BPTF: variants seen among roughly 807,000 people sequenced by gnomAD.
The protein encoded by BPTF is bromodomain PHD finger transcription factor, also known as nucleosome-remodeling factor subunit BPTF.
A neutral mutation model predicts 292.5 loss-of-function variants in BPTF; 18 were observed. The ratio of observed to expected loss-of-function variants is 0.06; its 90% confidence interval spans 0.04 to 0.09. The LOEUF is 0.09. BPTF is among the 10% of genes least tolerant of loss of function. The probability of loss-of-function intolerance (pLI) is 1.00; values close to 1 mark genes in which losing one functional copy is unlikely to be tolerated. For missense variants in BPTF, 2,726 were observed against 3,498.7 expected, an observed-to-expected ratio of 0.78 and a Z score of 5.57; for synonymous variants, 1,225 against 1,251.9, an observed-to-expected ratio of 0.98 and a Z score of 0.45.
chr17:67,857,264 C>T (rs2058752121), intron 2 of BPTF, among the ~76,000 whole-genome samples: 1 of 150,736 alleles, frequency 6.6e-6, no homozygotes, highest in Admixed American at 6.7e-5. Context: ...CGGGTTCACA[C>T]CATTCTCCTG....
In BPTF at chr17:67,975,806, A is replaced by G. The variant is rs1488665536; in HGVS notation, c.8574A>G (p.Arg2858=). The change falls in exon 27 of 28, where the codon CGA becomes CGG. Residue 2858 remains arginine, a synonymous_variant. Transcript: ENST00000306378. Reference sequence around the variant, plus strand: ...CCATGGAAGAAAGAGTACAAAGACGATATTATGAAAAGCTGACGGAATTTG... The same window carrying G: ...CCATGGAAGAAAGAGTACAAAGACGGTATTATGAAAAGCTGACGGAATTTG... ...LATMEERVQR[R]YYEKLTEFVA... The G allele has an allele frequency of 3.1e-6, 5 of 1,614,006 alleles. No homozygotes were observed. The highest frequency in any genetic ancestry group is 4.2e-6 in the Non-Finnish European group (5 of 1,179,986).
At chr17:67,869,927 G>A (rs1171759181) in intron 3 of BPTF, among the ~76,000 whole-genome samples, 1 of 149,962 alleles carries the variant, frequency 6.7e-6, no homozygotes, top group African/African-American at 2.5e-5. Flanking sequence ...GCGTGAACCC[G>A]GGAGGCAGAG....
intron 19 of BPTF, 87 bp from the exon 20 acceptor site, chr17:67,944,060 GATA>G: frequency 3.1e-6 from 3 of 956,380 alleles, no homozygotes; most frequent in Non-Finnish European, 4.9e-6. Flanking sequence ...TATATTAAAA[GATA>G]ATTACACATA....
At chr17:67,916,360 C>T (rs1273023837) in intron 11 of BPTF, among the ~76,000 whole-genome samples, 1 of 152,124 alleles carries the variant, frequency 6.6e-6, no homozygotes, top group African/African-American at 2.4e-5. Flanking sequence ...GAGGCCGAGG[C>T]AGGTGGATCA....
intron 27 of BPTF, among the ~76,000 whole-genome samples, chr17:67,979,149 GACA>G: frequency 1.2e-5 from 1 of 81,214 alleles, no homozygotes; most frequent in Admixed American, 2.0e-4. Context: ...CAGCCTGGAA[GACA>G]CAACAAGACC....
Position 67,886,259 on chromosome 17 carries a change from G to A in BPTF, c.1865-5585G>A. 1 of 1,614,034 alleles carries A rather than the reference G, an allele frequency of 6.2e-7. No individual in the cohort carries two copies. The highest frequency in any genetic ancestry group is 2.2e-5 in the East Asian group (1 of 44,866). On this transcript the variant is annotated intron_variant, in intron 4 of 27. Transcript: ENST00000306378. ...GAGTGAATCTGCTAAGGCAGCTGAT[G>A]ATCCTGAAAATGGAGAAAGAGAATC...
chr17:67,904,073 G>C (rs534733891), intron 8 of BPTF, among the ~76,000 whole-genome samples, 155 bp downstream of exon 8: 115 of 152,338 alleles, frequency 7.5e-4, no homozygotes, highest in Non-Finnish European at 1.1e-3. Context: ...CTGTTGCCCA[G>C]ATTGGAGTGC....
chr17:67,832,267 A>C (rs1230292530), intron 1 of BPTF, among the ~76,000 whole-genome samples: 3 of 152,020 alleles, frequency 2.0e-5, no homozygotes, highest in African/African-American at 4.8e-5. Flanking sequence ...AAAAAAAAAA[A>C]CCACTTATAC....
At chr17:67,962,624 A>G (rs1282931398) in intron 24 of BPTF, among the ~76,000 whole-genome samples, 2 of 152,234 alleles carry the variant, frequency 1.3e-5, no homozygotes, top group Non-Finnish European at 2.9e-5. Context: ...TAGCCAGGCC[A>G]CTGCCCACAT....
chr17:67,979,369 A>T (rs1555695762), intron 27 of BPTF, among the ~76,000 whole-genome samples: 1 of 152,048 alleles, frequency 6.6e-6, no homozygotes, highest in African/African-American at 2.4e-5. Context: ...CAACATGATG[A>T]AACCCTGTCT....
chr17:67,946,355 C>T (rs1189898315), intron 21 of BPTF, 30 bp downstream of exon 21: 3 of 1,603,910 alleles, frequency 1.9e-6, no homozygotes, highest in African/African-American at 2.7e-5. Flanking sequence ...GCAGCATGTT[C>T]AGTAGCTTGA....
chr17:67,938,127 TA>T (rs773624795), intron 18 of BPTF, among the ~76,000 whole-genome samples: 1 of 152,190 alleles, frequency 6.6e-6, no homozygotes, highest in Admixed American at 6.5e-5. Context: ...AGTCAGAAAT[TA>T]TTACATTTTT....
At chr17:67,961,156 G>T (rs1555683819) in intron 24 of BPTF, among the ~76,000 whole-genome samples, 1 of 152,126 alleles carries the variant, frequency 6.6e-6, no homozygotes, top group Non-Finnish European at 1.5e-5. Flanking sequence ...CCTGTTTAGA[G>T]TATTCAGATC....
chr17:67,842,377 T>C (rs2057625169), intron 1 of BPTF, among the ~76,000 whole-genome samples: 1 of 152,202 alleles, frequency 6.6e-6, no homozygotes, highest in Admixed American at 6.5e-5. Flanking sequence ...CCCTCTTACA[T>C]GTGATAGTCC....
intron 25 of BPTF, 85 bp downstream of exon 25, chr17:67,964,489 C>A (rs1480309892): frequency 4.9e-6 from 7 of 1,426,470 alleles, no homozygotes; most frequent in African/African-American, 1.4e-5. Context: ...AGTTTCCAAT[C>A]TTAGAATGAT....
intron 18 of BPTF, among the ~76,000 whole-genome samples, chr17:67,934,061 A>T (rs72845286): frequency 0.035 from 5,324 of 152,166 alleles, 117 homozygotes; most frequent in Non-Finnish European, 0.051. Flanking sequence ...AAGAAAAAAA[A>T]AATAATAATT....
At position 67,931,906 on chromosome 17, in the gene BPTF, T is replaced by C. The variant is rs1329375029; in HGVS notation, c.6151-5T>C. The C allele has an allele frequency of 6.2e-7, 1 of 1,605,802 alleles. No individual in the cohort carries two copies. Among genetic ancestry groups the C allele is most frequent in the African/African-American group, 1.3e-5 (1 of 74,744 alleles). On this transcript the variant is annotated splice_polypyrimidine_tract_variant and splice_region_variant and intron_variant, in intron 17 of 27. Coordinates refer to ENST00000306378, the MANE Select transcript of BPTF (RefSeq NM_182641.4). The stretch of plus-strand genomic sequence containing the variant: ...TTAATTCATTGTTCTTTGTGTCATT[T>C]ATAGGTAATCACAGGGCCTCAGATT...
At chr17:67,963,878 T>G (rs1478677057) in intron 24 of BPTF, among the ~76,000 whole-genome samples, 1 of 152,200 alleles carries the variant, frequency 6.6e-6, no homozygotes, top group Non-Finnish European at 1.5e-5. Flanking sequence ...GACTCTGTTA[T>G]TAGCTTATAG....
At chr17:67,883,587 G>C (rs1056846550) in intron 4 of BPTF, among the ~76,000 whole-genome samples, 2 of 151,888 alleles carry the variant, frequency 1.3e-5, no homozygotes, top group African/African-American at 4.8e-5. Context: ...AATGTTGCTT[G>C]TTTGTTTTGT....
Sources: gnomAD v4.1 joint callset for allele counts (sites outside exome capture counted in the v4.1 genomes callset) on GRCh38, gnomAD v4.1.1 for gene constraint, MANE v1.5 for transcripts, NCBI Gene and HGNC (gene_info 2026-07-23, HGNC 2026-07-21) for gene names.